Variants in CNTN6 observed in about 807,000 individuals in gnomAD.
CNTN6 encodes the protein contactin-6.
A neutral mutation model predicts 122.8 loss-of-function variants in CNTN6; 137 were observed. The observed-to-expected ratio is 1.12, with a 90% CI of 0.97 to 1.29. CNTN6 has a LOEUF of 1.29. Among genes scored for constraint, CNTN6 ranks in the 50% most tolerant of loss-of-function variants. The pLI is 0.00. For synonymous variants in CNTN6, 570 were observed against 426.0 expected, an observed-to-expected ratio of 1.34 and a Z score of -4.16; for missense variants, 1,634 against 1,223.4, an observed-to-expected ratio of 1.34 and a Z score of -5.01.
chr3:1,319,764 A>G (rs998652209), intron 7 of CNTN6, among the ~76,000 whole-genome samples: 3 of 151,382 alleles, frequency 2.0e-5, no homozygotes, highest in Middle Eastern at 6.8e-3. Flanking sequence ...TTCTCAGAAA[A>G]TTTTTATTAC....
chr3:1,364,573 C>G lies in CNTN6; in HGVS notation c.1493-7726C>G, dbSNP rs1322495126. 3.3e-5 allele frequency among the ~76,000 whole-genome samples: 5 copies of G among 151,664 alleles called. No homozygotes were observed. The East Asian group carries it at 5.8e-4, about 18-fold the overall frequency. ...CAGGAAAGATGAATTATACATTTAA[C>G]TGCCATCCCCTTGCTTCTAAAAATG... On this transcript the variant is annotated intron_variant, in intron 12 of 22. Coordinates refer to ENST00000446702, the MANE Select transcript of CNTN6 (RefSeq NM_001289080.2).
chr3:1,244,683 A>G (rs937100550), intron 4 of CNTN6, among the ~76,000 whole-genome samples: 1 of 152,140 alleles, frequency 6.6e-6, no homozygotes, highest in Non-Finnish European at 1.5e-5. Context: ...AAAGCTGTTT[A>G]TTTCACCTGG....
At chr3:1,279,637 C>T (rs1339636410) in intron 5 of CNTN6, among the ~76,000 whole-genome samples, 2 of 152,152 alleles carry the variant, frequency 1.3e-5, no homozygotes, top group Admixed American at 1.3e-4. Flanking sequence ...TCTTAACTAT[C>T]ACTGCAGTTG....
chr3:1,233,424 TGTTGAA>T (rs2094377821), intron 4 of CNTN6, among the ~76,000 whole-genome samples: 1 of 128,388 alleles, frequency 7.8e-6, no homozygotes, highest in South Asian at 3.1e-4. Flanking sequence ...ATGTTAAGGA[TGTTGAA>T]GTTGTTTATA....
intron 2 of CNTN6, among the ~76,000 whole-genome samples, chr3:1,194,059 T>C (rs898180978): frequency 1.3e-5 from 2 of 152,080 alleles, no homozygotes; most frequent in African/African-American, 4.8e-5. Flanking sequence ...GCAACCAAAG[T>C]AGACATGACA....
intron 17 of CNTN6, among the ~76,000 whole-genome samples, chr3:1,379,884 A>G (rs1710408211): frequency 6.6e-6 from 1 of 152,192 alleles, no homozygotes; most frequent in East Asian, 1.9e-4. Flanking sequence ...ATTAGGATGA[A>G]TCTGAGCCAC....
chr3:1,110,051 A>G (rs2091408713), intron 1 of CNTN6, among the ~76,000 whole-genome samples: 1 of 151,976 alleles, frequency 6.6e-6, no homozygotes, highest in African/African-American at 2.4e-5. Flanking sequence ...TTGCTTGAAT[A>G]TTTTACATGG....
intron 6 of CNTN6, among the ~76,000 whole-genome samples, chr3:1,297,023 G>C (rs1696351590): frequency 6.6e-6 from 1 of 151,976 alleles, no homozygotes; most frequent in Non-Finnish European, 1.5e-5. Flanking sequence ...GGAAATATCA[G>C]ATGTCAAGAA....
intron 8 of CNTN6, 112 bp downstream of exon 8, chr3:1,321,946 G>A: frequency 1.1e-6 from 1 of 903,648 alleles, no homozygotes; most frequent in Non-Finnish European, 1.7e-6. Flanking sequence ...AATAAGGAAG[G>A]CATATTTCCG....
intron 1 of CNTN6, among the ~76,000 whole-genome samples, chr3:1,122,218 C>A (rs1056603980): frequency 2.0e-5 from 3 of 150,706 alleles, no homozygotes; most frequent in East Asian, 2.0e-4. Context: ...TCCAGATATA[C>A]CACAGTATGA....
intron 7 of CNTN6, among the ~76,000 whole-genome samples, chr3:1,301,986 T>C (rs1697507654): frequency 1.3e-5 from 2 of 152,164 alleles, no homozygotes; most frequent in African/African-American, 2.4e-5. Context: ...AATTAAGGTA[T>C]TTAGCAAATG....
chr3:1,187,303 A>C (rs1575163037), intron 2 of CNTN6, among the ~76,000 whole-genome samples: 1 of 151,134 alleles, frequency 6.6e-6, no homozygotes. Context: ...TGACACCTTC[A>C]CCTCCTGCCT....
intron 1 of CNTN6, among the ~76,000 whole-genome samples, chr3:1,097,043 T>G (rs951734989): frequency 1.6e-4 from 24 of 152,234 alleles, no homozygotes; most frequent in African/African-American, 2.4e-5. Context: ...TATTAGAATG[T>G]TGTTATTCTC....
At chr3:1,249,945 G>A (rs543258510) in intron 4 of CNTN6, among the ~76,000 whole-genome samples, 1 of 151,836 alleles carries the variant, frequency 6.6e-6, no homozygotes, top group African/African-American at 2.4e-5. Flanking sequence ...TTGTTTTTTT[G>A]TTGTTTTTTG....
chr3:1,250,110 G>T (rs1015816879), intron 4 of CNTN6, among the ~76,000 whole-genome samples: 1 of 151,996 alleles, frequency 6.6e-6, no homozygotes, highest in Non-Finnish European at 1.5e-5. Context: ...TATTATTATT[G>T]CTATAAATAT....
chr3:1,147,872 T>C lies in CNTN6; in HGVS notation c.-82-55T>C, dbSNP rs1264670924. 5 of 575,380 alleles carry C rather than the reference T, an allele frequency of 8.7e-6. 1 individual carries two copies. Among genetic ancestry groups the C allele is most frequent in the Non-Finnish European group, 1.6e-5 (5 of 314,670 alleles). The allele number at this position is 575,380 out of a possible 1,614,324, so 35.6% of individuals were successfully genotyped here. On this transcript the variant is annotated intron_variant, in intron 1 of 22. Coordinates refer to ENST00000446702, the MANE Select transcript of CNTN6 (RefSeq NM_001289080.2). ...TTAATATGCAACAAAAATATGCTTA[T>C]TAAAATATTCGTGTTTGTACGTTTT...
rs144382656 is a variant in CNTN6 at position 1,300,938 on chromosome 3, A to G, written c.761+2947A>G. On this transcript the variant is annotated intron_variant, in intron 7 of 22. Coordinates refer to ENST00000446702, the MANE Select transcript of CNTN6 (RefSeq NM_001289080.2). ...TTAAAAATAAATAAAGCAGTGTCTT[A>G]TTTTCTATTAACTCCATGGTGATGG... Among the ~76,000 whole-genome samples, 10 of 147,552 alleles carry G rather than the reference A, an allele frequency of 6.8e-5. No homozygotes were observed. The East Asian group carries it at 2.0e-3, about 29-fold the overall frequency.
At position 1,341,469 on chromosome 3, in the gene CNTN6, T is replaced by G. The variant is rs555376690; in HGVS notation, c.1365-10855T>G. ...TTAGGCTTTCCATCTGATGCTGTTT[T>G]GTTAATGTTAAATTGTATTTCCTTA... On this transcript the variant is annotated intron_variant, in intron 11 of 22. Coordinates refer to ENST00000446702, the MANE Select transcript of CNTN6 (RefSeq NM_001289080.2). Among the ~76,000 whole-genome samples, 21 of 152,306 alleles carry G rather than the reference T, an allele frequency of 1.4e-4. No individual in the cohort carries two copies. The East Asian group carries it at 3.5e-3, about 25-fold the overall frequency.
intron 2 of CNTN6, among the ~76,000 whole-genome samples, chr3:1,161,371 C>G (rs2093128946): frequency 6.6e-6 from 1 of 150,718 alleles, no homozygotes; most frequent in African/African-American, 2.4e-5. Flanking sequence ...TGAAGCTTAG[C>G]TAGAGACATA....
Sources: gnomAD v4.1 joint callset for allele counts (sites outside exome capture counted in the v4.1 genomes callset) on GRCh38, gnomAD v4.1.1 for gene constraint, MANE v1.5 for transcripts, NCBI Gene and HGNC (gene_info 2026-07-23, HGNC 2026-07-21) for gene names.